EIF3D: variants seen among roughly 807,000 people sequenced by gnomAD.
The protein encoded by EIF3D is eukaryotic translation initiation factor 3 subunit D, also known as eIF3 p66.
Under a neutral mutation model 75.4 loss-of-function variants are expected in EIF3D, and 10 were observed. The observed-to-expected ratio is 0.13, with a 90% CI of 0.08 to 0.22. The LOEUF (loss-of-function observed/expected upper bound fraction) is 0.22, where lower values mean the gene tolerates loss of function less well. Among genes scored for constraint, EIF3D ranks in the 10% least tolerant of loss-of-function variants. The pLI is 1.00. For missense variants in EIF3D, 394 were observed against 708.0 expected (o/e 0.56, Z 5.03); for synonymous variants, 246 against 248.3 (o/e 0.99, Z 0.09).
chr22:36,526,183 C>T (rs1280126844), intron 1 of EIF3D, 52 bp from the exon 2 acceptor site: 19 of 1,505,688 alleles, frequency 1.3e-5, no homozygotes, highest in Non-Finnish European at 1.7e-5. Flanking sequence ...CCTCAGAGTA[C>T]AAAACACCCT....
rs765720474 is a variant in EIF3D at position 36,524,001 on chromosome 22, T to G, written c.307-21A>C. On this transcript the variant is annotated intron_variant, in intron 4 of 14. Coordinates refer to ENST00000216190, the MANE Select transcript of EIF3D (RefSeq NM_003753.4). The stretch of plus-strand genomic sequence containing the variant: ...TTCCTCTGGGCATCAGCAAGAAACA[T>G]CCATGTTAAAATCTTGGAGATTTGG... 44 of 1,613,662 alleles carry G rather than the reference T, an allele frequency of 2.7e-5. No homozygotes were observed. In the East Asian group the frequency reaches 9.4e-4, roughly 34 times the overall value.
chr22:36,519,433 G>A lies in EIF3D; in HGVS notation c.683C>T (p.Thr228Ile), dbSNP rs1458304887. ...RSIKRIFHTV[T>I]TTDDPVIRKL... ...GCGGATGACAGGGTCGTCTGTGGTG[G>A]TGACAGTGTGGAAGATGCGCTTGAT... is the stretch of plus-strand genomic sequence containing the variant. The change falls in exon 8 of 15, where the codon ACC becomes ATC. Residue 228 changes from threonine to isoleucine, a missense_variant. Physicochemically the swap from Thr to Ile is moderately conservative, Grantham distance 89. Transcript: ENST00000216190. 1 of 1,614,222 alleles carries A rather than the reference G, an allele frequency of 6.2e-7. No individual in the cohort carries two copies. Among genetic ancestry groups the A allele is most frequent in the Non-Finnish European group, 8.5e-7 (1 of 1,180,040 alleles).
At chr22:36,519,073 G>T (rs1330636233) in intron 8 of EIF3D, among the ~76,000 whole-genome samples, 163 bp from the exon 9 acceptor site, 1 of 152,166 alleles carries the variant, frequency 6.6e-6, no homozygotes, top group Non-Finnish European at 1.5e-5. Flanking sequence ...GCAAGTTTCG[G>T]GTGGCAGTGG....
rs1304878527 is a variant in EIF3D at position 36,523,882 on chromosome 22, A to G, written c.392+13T>C. The G allele has an allele frequency of 6.2e-7, 1 of 1,613,176 alleles. No individual in the cohort carries two copies. Among genetic ancestry groups the G allele is most frequent in the East Asian group, 2.2e-5 (1 of 44,874 alleles). The stretch of plus-strand genomic sequence containing the variant: ...GGGAAGGGTGTCTTGTTCCAGCAGG[A>G]TGAAAATCTCACCTCTCTTTCTGTT... On this transcript the variant is annotated intron_variant, in intron 5 of 14. Coordinates refer to ENST00000216190, the MANE Select transcript of EIF3D (RefSeq NM_003753.4).
At chr22:36,511,441 G>A (rs1329058918) in intron 14 of EIF3D, 62 bp downstream of exon 14, 9 of 1,592,780 alleles carry the variant, frequency 5.7e-6, no homozygotes, top group Non-Finnish European at 7.7e-6. Flanking sequence ...AATGGCTACA[G>A]AGCTTGCTCC....
chr22:36,526,497 G>A (rs1253253284), intron 1 of EIF3D, among the ~76,000 whole-genome samples: 1 of 152,064 alleles, frequency 6.6e-6, no homozygotes, highest in Non-Finnish European at 1.5e-5. Flanking sequence ...TGTCAGATTT[G>A]ATAAAATGTC....
chr22:36,526,575 C>T (rs1017747071), intron 1 of EIF3D, among the ~76,000 whole-genome samples: 6 of 151,878 alleles, frequency 4.0e-5, no homozygotes, highest in Non-Finnish European at 8.8e-5. Flanking sequence ...TTCATACAAA[C>T]TCAACTTCCC....
intron 12 of EIF3D, among the ~76,000 whole-genome samples, chr22:36,513,592 C>T (rs936367740): frequency 5.9e-5 from 9 of 152,280 alleles, no homozygotes; most frequent in East Asian, 5.8e-4. Flanking sequence ...CGTGAGCCAC[C>T]GTGCCCGGCC....
In EIF3D at chr22:36,526,062, C is replaced by T. The variant is rs764305977; in HGVS notation, c.60G>A (p.Ala20=). 232 of 1,613,614 alleles carry T rather than the reference C, an allele frequency of 1.4e-4. No homozygotes were observed. Among genetic ancestry groups the T allele is most frequent in the Non-Finnish European group, 1.8e-4 (208 of 1,179,746 alleles). The change falls in exon 2 of 15, where the codon GCG becomes GCA. Residue 20 remains alanine (A), a synonymous_variant. Transcript: ENST00000216190. The part of the protein sequence containing the change: ...QDNPSGWGPC[A]VPEQFRDMPY... Reference sequence around the variant, plus strand: ...GCATATCCCGAAACTGCTCGGGAACCGCACAGGGACCCCAGCCTGAGGGGT... The same window carrying T: ...GCATATCCCGAAACTGCTCGGGAACTGCACAGGGACCCCAGCCTGAGGGGT...
At chr22:36,523,106 A>G (rs768854768) in intron 6 of EIF3D, 103 bp downstream of exon 6, 2 of 976,218 alleles carry the variant, frequency 2.0e-6, no homozygotes, top group Admixed American at 1.8e-5. Context: ...AAAAACCACT[A>G]AATTGTACGG....
Position 36,522,084 on chromosome 22 carries a change from T to C in EIF3D, c.465+1125A>G, listed in dbSNP as rs543950138. ...GATTGAAAATACAAGCCAGGCGCAG[T>C]GGCTCATGGCTGTAACCCCAGCACT... On this transcript the variant is annotated intron_variant, in intron 6 of 14. Transcript: ENST00000216190. Among the ~76,000 whole-genome samples, 16 of 152,284 alleles carry C rather than the reference T, an allele frequency of 1.1e-4. No individual in the cohort carries two copies. In the South Asian group the frequency reaches 3.1e-3, roughly 30 times the overall value.
intron 4 of EIF3D, 118 bp from the exon 5 acceptor site, chr22:36,524,098 T>TA (rs1934558226): frequency 1.0e-6 from 1 of 1,003,178 alleles, no homozygotes; most frequent in African/African-American, 1.6e-5. Flanking sequence ...TTTCACATCT[T>TA]ACTCTGTGCT....
intron 13 of EIF3D, 90 bp from the exon 14 acceptor site, chr22:36,511,876 G>A: frequency 6.7e-7 from 1 of 1,499,896 alleles, no homozygotes; most frequent in South Asian, 1.3e-5. Flanking sequence ...GGTGATACCT[G>A]GTCCACTGCT....
intron 7 of EIF3D, 69 bp from the exon 8 acceptor site, chr22:36,519,606 A>G: frequency 3.1e-6 from 5 of 1,600,110 alleles, no homozygotes; most frequent in South Asian, 1.1e-5. Context: ...TTTAAGCCAT[A>G]CATCCAGAAG....
intron 13 of EIF3D, 111 bp from the exon 14 acceptor site, chr22:36,511,897 T>A: frequency 7.1e-7 from 1 of 1,405,198 alleles, no homozygotes; most frequent in Non-Finnish European, 9.3e-7. Flanking sequence ...ATTTTTTCTT[T>A]TTTTTTTTTT....
In EIF3D at chr22:36,519,310, C is replaced by T. The variant is rs569861418; in HGVS notation, c.711+95G>A. ...AAAGTGCTTTTACCTATAATACATA[C>T]GTTATTCCCATGTCTTCTGTTCTTT... On this transcript the variant is annotated intron_variant, in intron 8 of 14. Transcript: ENST00000216190. 1.0e-4 allele frequency: 156 copies of T among 1,544,196 alleles called. 1 individual carries two copies. In the African/African-American group the frequency reaches 2.0e-3, roughly 20 times the overall value.
chr22:36,527,896 A>C (rs981090449), intron 1 of EIF3D, among the ~76,000 whole-genome samples: 1 of 152,266 alleles, frequency 6.6e-6, no homozygotes, highest in Non-Finnish European at 1.5e-5. Flanking sequence ...TCAAAGCCCC[A>C]TGCTGGGGAG....
In EIF3D at chr22:36,519,454, T is replaced by C; in HGVS notation, c.662A>G (p.Lys221Arg). Residue 221 changes from lysine (K) to arginine (R), a missense_variant, in exon 8 of 15, where the codon AAG becomes AGG. Transcript: ENST00000216190. ...GGTGGTGACAGTGTGGAAGATGCGCTTGATGCTCCGCAGTGGCTTCTCACT... is the reference window on the plus strand; with the variant it reads ...GGTGGTGACAGTGTGGAAGATGCGCCTGATGCTCCGCAGTGGCTTCTCACT... ...TRSEKPLRSI[K>R]RIFHTVTTTD... The C allele has an allele frequency of 6.2e-7, 1 of 1,614,202 alleles. No homozygotes were observed.
intron 6 of EIF3D, among the ~76,000 whole-genome samples, chr22:36,522,612 A>T (rs920274510): frequency 1.3e-5 from 2 of 152,200 alleles, no homozygotes; most frequent in African/African-American, 4.8e-5. Context: ...AGAACAAAAA[A>T]TCCCGAGACA....
Sources: allele counts gnomAD v4.1 joint callset (sites outside exome capture counted in the v4.1 genomes callset), GRCh38; gene constraint gnomAD v4.1.1; transcripts MANE v1.5; gene names NCBI Gene and HGNC (gene_info 2026-07-23, HGNC 2026-07-21).